The following DACH2 variants were observed in gnomAD, a reference collection of about 807,000 sequenced individuals.
DACH2 encodes the protein dachshund family transcription factor 2.
Under a neutral mutation model 35.8 loss-of-function variants are expected in DACH2, and 17 were observed. The observed-to-expected ratio is 0.48, with a 90% CI of 0.33 to 0.71. DACH2 has a LOEUF of 0.71. Among genes scored for constraint, DACH2 ranks in the 30% least tolerant of loss-of-function variants. The pLI, the probability that DACH2 is intolerant of heterozygous loss-of-function variation, is 0.02. For synonymous variants in DACH2, 195 were observed against 177.3 expected, an observed-to-expected ratio of 1.10 and a Z score of -0.79; for missense variants, 469 against 472.7, an observed-to-expected ratio of 0.99 and a Z score of 0.07.
At chrX:86,813,499 C>G (rs1432845254) in intron 9 of DACH2, among the ~76,000 whole-genome samples, 1 of 105,429 alleles carries the variant, frequency 9.5e-6, no homozygotes, top group Non-Finnish European at 1.9e-5. Flanking sequence ...GTAGTCGCAA[C>G]TACTCGGGAG....
intron 2 of DACH2, among the ~76,000 whole-genome samples, chrX:86,455,423 T>TC (rs1246808887): frequency 9.0e-6 from 1 of 111,169 alleles, no homozygotes; most frequent in Non-Finnish European, 1.9e-5. Flanking sequence ...TGACCGTCCC[T>TC]CCCCCCGAAA....
chrX:86,623,615 G>C, intron 3 of DACH2, among the ~76,000 whole-genome samples: 1 of 111,531 alleles, frequency 9.0e-6, no homozygotes, highest in Non-Finnish European at 1.9e-5. Flanking sequence ...TTTTGTAGGT[G>C]AGCAATGTGA....
chrX:86,695,295 T>C, intron 5 of DACH2, 116 bp downstream of exon 5: 3 of 598,989 alleles, frequency 5.0e-6, no homozygotes, highest in Non-Finnish European at 6.9e-6. Context: ...GTTTAACAAT[T>C]TAATATCAGA....
At chrX:86,524,222 T>A (rs1388474521) in intron 3 of DACH2, among the ~76,000 whole-genome samples, 1 of 112,075 alleles carries the variant, frequency 8.9e-6, no homozygotes, top group East Asian at 2.8e-4. Flanking sequence ...GCTAAGGAGA[T>A]GGGAAAAAGC....
In DACH2 at chrX:86,213,639, C is replaced by T. The variant is rs369518968; in HGVS notation, c.488+64531C>T. The stretch of plus-strand genomic sequence containing the variant: ...CTCTTCATTTGTTGGGCCCAATTTA[C>T]GCCCATGCCTAAGGAATAATAAAAT... On this transcript the variant is annotated intron_variant, in intron 1 of 11. Coordinates refer to ENST00000373125, the MANE Select transcript of DACH2 (RefSeq NM_053281.3). Among the ~76,000 whole-genome samples the T allele has an allele frequency of 2.6e-3, 284 of 110,793 alleles. 1 individual carries two copies. Among genetic ancestry groups the T allele is most frequent in the African/African-American group, 8.7e-3 (267 of 30,618 alleles).
intron 1 of DACH2, among the ~76,000 whole-genome samples, chrX:86,252,190 GA>G (rs1286638716): frequency 9.1e-6 from 1 of 109,588 alleles, no homozygotes; most frequent in Non-Finnish European, 1.9e-5. Context: ...TGATGTGATT[GA>G]TTTTTTTTTC....
At chrX:86,470,198 A>G (rs2037741166) in intron 2 of DACH2, among the ~76,000 whole-genome samples, 1 of 111,377 alleles carries the variant, frequency 9.0e-6, no homozygotes, top group Non-Finnish European at 1.9e-5. Context: ...CTTTCCTTAA[A>G]CTTGTAATTT....
chrX:86,705,407 C>A (rs1309608495), intron 5 of DACH2, among the ~76,000 whole-genome samples: 1 of 109,696 alleles, frequency 9.1e-6, no homozygotes, highest in Non-Finnish European at 1.9e-5. Flanking sequence ...AATCATGTAA[C>A]CAAATGCCAC....
At chrX:86,827,890 T>C in intron 11 of DACH2, 2 of 834,176 alleles carry the variant, frequency 2.4e-6, no homozygotes, top group Non-Finnish European at 3.5e-6. Flanking sequence ...ATATGGAACC[T>C]TTAATTACTG....
intron 1 of DACH2, among the ~76,000 whole-genome samples, chrX:86,153,270 C>A (rs2030429733): frequency 9.0e-6 from 1 of 111,161 alleles, no homozygotes; most frequent in Non-Finnish European, 1.9e-5. Flanking sequence ...AGTAAAATTT[C>A]CAATTGTGGT....
intron 2 of DACH2, among the ~76,000 whole-genome samples, chrX:86,447,138 G>A (rs1479142142): frequency 4.0e-5 from 4 of 99,461 alleles, no homozygotes; most frequent in Admixed American, 1.1e-4. Context: ...TTTTTGATGG[G>A]GTTTTTTGTT....
intron 1 of DACH2, among the ~76,000 whole-genome samples, chrX:86,208,705 T>C (rs2032374603): frequency 9.0e-6 from 1 of 111,649 alleles, no homozygotes; most frequent in African/African-American, 3.2e-5. Context: ...CTCACGGACT[T>C]GAAGGAACCA....
chrX:86,696,812 C>T (rs1167923943), intron 5 of DACH2, among the ~76,000 whole-genome samples: 1 of 111,431 alleles, frequency 9.0e-6, no homozygotes, highest in Non-Finnish European at 1.9e-5. Context: ...TTCTAGGAGC[C>T]ATACCAGATT....
chrX:86,254,790 A>G (rs1376983188), intron 1 of DACH2, among the ~76,000 whole-genome samples: 2 of 65,691 alleles, frequency 3.0e-5, no homozygotes, highest in African/African-American at 6.9e-5. Context: ...AAATATATAT[A>G]TATATATATA....
At chrX:86,474,255 C>A (rs1208425858) in intron 2 of DACH2, among the ~76,000 whole-genome samples, 3 of 111,608 alleles carry the variant, frequency 2.7e-5, no homozygotes, top group Non-Finnish European at 5.6e-5. Flanking sequence ...CTTATATATT[C>A]TTGTTATTAA....
chrX:86,557,310 A>T (rs2039145572), intron 3 of DACH2, among the ~76,000 whole-genome samples: 1 of 111,328 alleles, frequency 9.0e-6, no homozygotes, highest in South Asian at 3.7e-4. Context: ...AGTCAAGTGA[A>T]CTCATAAATT....
intron 3 of DACH2, among the ~76,000 whole-genome samples, chrX:86,576,203 G>A (rs747537389): frequency 1.8e-3 from 202 of 111,528 alleles, no homozygotes; most frequent in Middle Eastern, 9.3e-3. Flanking sequence ...AATAGTCAAT[G>A]CTGAATACAA....
chrX:86,279,733 G>T (rs983108512), intron 1 of DACH2, among the ~76,000 whole-genome samples: 1 of 110,251 alleles, frequency 9.1e-6, no homozygotes, highest in African/African-American at 3.3e-5. Context: ...AGCTAAAGGA[G>T]CATGTTCTAA....
rs768684642 is a variant in DACH2, at chrX:86,477,428, TC to T, written c.528-36850del. 5.0e-3 allele frequency among the ~76,000 whole-genome samples: 526 copies of T among 105,654 alleles called. 1 individual carries two copies. Among genetic ancestry groups the T allele is most frequent in the Non-Finnish European group, 7.3e-3 (376 of 51,404 alleles). The allele number at this position is 105,654 out of a possible 115,157, so 91.7% of individuals were successfully genotyped here. A position where few individuals can be genotyped will look rare whatever the true frequency, so the allele number is the denominator to read the frequency against. On this transcript the variant is annotated intron_variant, in intron 2 of 11. Coordinates refer to ENST00000373125, the MANE Select transcript of DACH2 (RefSeq NM_053281.3). ...TATCATGATATAGTGACCTTCTTTGTCTCTTCTTATAGTTTTGTCTTGAAAT... is the reference window on the plus strand; with the variant it reads ...TATCATGATATAGTGACCTTCTTTGTTCTTCTTATAGTTTTGTCTTGAAAT...
Sources: allele counts gnomAD v4.1 joint callset (sites outside exome capture counted in the v4.1 genomes callset), GRCh38; gene constraint gnomAD v4.1.1; transcripts MANE v1.5; gene names NCBI Gene and HGNC (gene_info 2026-07-23, HGNC 2026-07-21).